CLYBL: variants seen among roughly 807,000 people sequenced by gnomAD.
CLYBL encodes the protein citramalyl-CoA lyase.
Under a neutral mutation model 38.9 loss-of-function variants are expected in CLYBL, and 31 were observed. That is an observed-to-expected ratio of 0.80 (90% CI 0.60 to 1.08). The LOEUF (loss-of-function observed/expected upper bound fraction) is 1.08. Ranked by LOEUF, CLYBL falls within the 50% of genes least tolerant of loss-of-function variation. The probability of loss-of-function intolerance (pLI) is 0.00; values close to 1 mark genes in which losing one functional copy is unlikely to be tolerated. For missense variants in CLYBL, 434 were observed against 411.6 expected (o/e 1.05, Z -0.47); for synonymous variants, 171 against 158.6 (o/e 1.08, Z -0.59).
chr13:99,676,266 T>G (rs9585183), intron 1 of CLYBL, among the ~76,000 whole-genome samples: 2 of 147,294 alleles, frequency 1.4e-5, no homozygotes, highest in Non-Finnish European at 3.0e-5. Context: ...CTTTTTCTAT[T>G]TCTCTTTCTC....
At chr13:99,624,169 C>T (rs1431733060) in intron 1 of CLYBL, among the ~76,000 whole-genome samples, 1 of 152,168 alleles carries the variant, frequency 6.6e-6, no homozygotes, top group African/African-American at 2.4e-5. Flanking sequence ...CTTCATTGCA[C>T]TTATGATTTG....
intron 1 of CLYBL, among the ~76,000 whole-genome samples, chr13:99,756,444 A>G (rs539498234): frequency 5.3e-5 from 8 of 152,216 alleles, no homozygotes; most frequent in African/African-American, 1.2e-4. Context: ...GGGACTCACC[A>G]TAAGAGTGAT....
chr13:99,866,311 T>G lies in CLYBL; in HGVS notation c.706T>G (p.Phe236Val), dbSNP rs1387017003. The change falls in exon 6 of 9, where the codon TTT becomes GTT. Residue 236 changes from phenylalanine (F) to valine (V), a missense_variant. Physicochemically the swap from Phe to Val is conservative, Grantham distance 50. Coordinates refer to ENST00000339105, the MANE Select transcript of CLYBL (RefSeq NM_206808.5). Reference protein sequence around the residue: ...RQKIVVIAKAFGLQAIDLVYI... With the variant: ...RQKIVVIAKAVGLQAIDLVYI... Reference sequence around the variant, plus strand: ...AAAGATTGTTGTCATAGCGAAAGCCTTTGGTCTCCAAGCCATAGATCTGGT... The same window carrying G: ...AAAGATTGTTGTCATAGCGAAAGCCGTTGGTCTCCAAGCCATAGATCTGGT... 1 of 1,614,098 alleles carries G rather than the reference T, an allele frequency of 6.2e-7. No homozygotes were observed. Among genetic ancestry groups the G allele is most frequent in the Non-Finnish European group, 8.5e-7 (1 of 1,180,014 alleles).
chr13:99,763,848 C>T (rs9517876), intron 1 of CLYBL, among the ~76,000 whole-genome samples: 65,921 of 151,876 alleles, frequency 0.43, 14,348 homozygotes, highest in Admixed American at 0.47. Context: ...CCACCGCACC[C>T]GGCCGATCAT....
Position 99,858,916 on chromosome 13 carries a change from C to A in CLYBL, c.305C>A (p.Thr102Asn). The A allele has an allele frequency of 6.2e-7, 1 of 1,614,004 alleles. No homozygotes were observed. The highest frequency in any genetic ancestry group is 8.5e-7 in the Non-Finnish European group (1 of 1,179,914). Residue 102 changes from threonine to asparagine, a missense_variant, in exon 3 of 9, where the codon ACT becomes AAT. Physicochemically the swap from Thr to Asn is moderately conservative, Grantham distance 65. Coordinates refer to ENST00000339105, the MANE Select transcript of CLYBL (RefSeq NM_206808.5). ...KTLEDIDLGP[T>N]EKCVRVNSVS... ...CTTGAAGACATTGATCTGGGCCCTA[C>A]TGAAAAATGTGTGAGAGTCAACTCA...
downstream of CLYBL, among the ~76,000 whole-genome samples, chr13:99,897,446 G>A (rs1026971953): frequency 6.6e-6 from 1 of 152,176 alleles, no homozygotes; most frequent in African/African-American, 2.4e-5. Context: ...ACCCATTCTG[G>A]AAGGTATAGA....
intron 7 of CLYBL, among the ~76,000 whole-genome samples, chr13:99,890,518 T>C (rs1004459809): frequency 5.3e-5 from 8 of 152,106 alleles, no homozygotes; most frequent in African/African-American, 1.4e-4. Flanking sequence ...CATGCTGGAG[T>C]GCAGTGGTGT....
downstream of CLYBL, among the ~76,000 whole-genome samples, chr13:99,901,645 G>GTTTTTTT (rs57853480): frequency 6.3e-5 from 8 of 127,230 alleles, no homozygotes; most frequent in East Asian, 2.2e-4. Context: ...GGATTTTTTT[G>GTTTTTTT]TTTTTTTTTT....
rs574942953 is a variant in CLYBL at position 99,612,362 on chromosome 13, G to C, written c.62+5605G>C. On this transcript the variant is annotated intron_variant, in intron 1 of 8. Coordinates refer to ENST00000339105, the MANE Select transcript of CLYBL (RefSeq NM_206808.5). The stretch of plus-strand genomic sequence containing the variant: ...TTTACCTTTTTAAGGTGGAAATTTA[G>C]ATAATTAATTTTAGACCTTTCTACT... Among the ~76,000 whole-genome samples the C allele has an allele frequency of 2.8e-5, 4 of 143,030 alleles. No homozygotes were observed. The South Asian group carries it at 9.2e-4, about 33-fold the overall frequency. The allele number at this position is 143,030 out of a possible 152,430, so 93.8% of individuals were successfully genotyped here. A position where few individuals can be genotyped will look rare whatever the true frequency, so the allele number is the denominator to read the frequency against.
intron 4 of CLYBL, among the ~76,000 whole-genome samples, chr13:99,863,679 G>T (rs926095298): frequency 4.6e-5 from 7 of 152,114 alleles, no homozygotes; most frequent in African/African-American, 1.7e-4. Context: ...CTAAACTACC[G>T]GTCTTAACAA....
At chr13:99,836,213 CA>C (rs781470320) in intron 2 of CLYBL, among the ~76,000 whole-genome samples, 7 of 152,178 alleles carry the variant, frequency 4.6e-5, no homozygotes, top group Middle Eastern at 6.8e-3. Context: ...TGGACTCTGC[CA>C]GGGGGAGCGT....
chr13:99,733,105 A>G (rs779902633), intron 1 of CLYBL, among the ~76,000 whole-genome samples: 11 of 152,188 alleles, frequency 7.2e-5, no homozygotes, highest in Non-Finnish European at 1.5e-4. Flanking sequence ...CAGAAAAAGT[A>G]ATTCCTAAAA....
At chr13:99,661,371 T>A (rs1233720143) in intron 1 of CLYBL, among the ~76,000 whole-genome samples, 3 of 152,242 alleles carry the variant, frequency 2.0e-5, no homozygotes, top group African/African-American at 7.2e-5. Flanking sequence ...AAACAGCTTC[T>A]TTTTTGTAAC....
chr13:99,730,282 G>C (rs1239293033), intron 1 of CLYBL, among the ~76,000 whole-genome samples: 3 of 152,184 alleles, frequency 2.0e-5, no homozygotes, highest in Admixed American at 2.0e-4. Context: ...TTTAAACTTT[G>C]ACTAACACGT....
intron 2 of CLYBL, 74 bp downstream of exon 2, chr13:99,773,084 C>T (rs904751366): frequency 1.3e-5 from 17 of 1,280,014 alleles, no homozygotes; most frequent in African/African-American, 1.5e-5. Context: ...TGACATTGCC[C>T]GCTATTTGGA....
intron 1 of CLYBL, among the ~76,000 whole-genome samples, chr13:99,665,951 T>C (rs1020128225): frequency 2.0e-5 from 3 of 152,160 alleles, no homozygotes; most frequent in Non-Finnish European, 2.9e-5. Flanking sequence ...TTTAAAAATA[T>C]TTTTATATTT....
In CLYBL at chr13:99,902,816, T is replaced by C. The variant is rs145374343; in HGVS notation, c.*25-2454T>C. On this transcript the variant is annotated intron_variant and NMD_transcript_variant, in intron 8 of 9. Coordinates refer to the CLYBL transcript ENST00000689673. ...TCCCCATTGGGAAGCACTCCAGCTT[T>C]TTCTTTTTATGAGGAACTTTAACTG... 8.9e-3 allele frequency among the ~76,000 whole-genome samples: 1,357 copies of C among 152,374 alleles called. 11 individuals are homozygous for C. The highest frequency in any genetic ancestry group is 0.017 in the South Asian group (80 of 4,832).
At chr13:99,820,972 A>G (rs993073489) in intron 2 of CLYBL, among the ~76,000 whole-genome samples, 1 of 152,238 alleles carries the variant, frequency 6.6e-6, no homozygotes, top group African/African-American at 2.4e-5. Context: ...CTACTACTGT[A>G]CAGTATCTTA....
intron 2 of CLYBL, among the ~76,000 whole-genome samples, chr13:99,813,362 G>C (rs990244316): frequency 2.0e-5 from 3 of 152,270 alleles, no homozygotes; most frequent in South Asian, 2.1e-4. Context: ...CACATGTCAG[G>C]GGTCAAGTGC....
Sources: gnomAD v4.1 joint callset for allele counts (sites outside exome capture counted in the v4.1 genomes callset) on GRCh38, gnomAD v4.1.1 for gene constraint, MANE v1.5 for transcripts, NCBI Gene and HGNC (gene_info 2026-07-23, HGNC 2026-07-21) for gene names.